UNC5B: variants seen among roughly 807,000 people sequenced by gnomAD.
UNC5B encodes the protein netrin receptor UNC5B.
A neutral mutation model predicts 103.7 loss-of-function variants in UNC5B; 56 were observed. The observed-to-expected ratio is 0.54, with a 90% confidence interval of 0.44 to 0.67. The LOEUF (loss-of-function observed/expected upper bound fraction) is 0.67. UNC5B is among the 30% of genes least tolerant of loss of function. The pLI, the probability that UNC5B is intolerant of heterozygous loss-of-function variation, is 0.00. For synonymous variants in UNC5B, 577 were observed against 542.0 expected (o/e 1.06, Z -0.90); for missense variants, 1,194 against 1,284.5 (o/e 0.93, Z 1.08).
intron 1 of UNC5B, among the ~76,000 whole-genome samples, chr10:71,276,140 A>G (rs909069145): frequency 2.0e-5 from 3 of 151,524 alleles, no homozygotes; most frequent in African/African-American, 7.3e-5. Context: ...ATTACCTAAT[A>G]CATTCCTGTT....
intron 1 of UNC5B, among the ~76,000 whole-genome samples, chr10:71,226,335 A>G (rs1339316844): frequency 6.6e-6 from 1 of 152,218 alleles, no homozygotes; most frequent in African/African-American, 2.4e-5. Context: ...TCGGCCTCCC[A>G]AAGTGCTGGG....
intron 15 of UNC5B, 96 bp from the exon 16 acceptor site, chr10:71,297,813 C>T (rs1845480336): frequency 1.5e-6 from 2 of 1,358,146 alleles, no homozygotes; most frequent in African/African-American, 2.9e-5. Flanking sequence ...GTGGGAGTGA[C>T]TCAAGGCTCA....
At chr10:71,277,182 C>CAG (rs1844792386) in intron 1 of UNC5B, among the ~76,000 whole-genome samples, 1 of 152,262 alleles carries the variant, frequency 6.6e-6, no homozygotes, top group Non-Finnish European at 1.5e-5. Context: ...CTGCAGAGCA[C>CAG]AGAGGCGGCT....
At chr10:71,256,468 G>C (rs1168154767) in intron 1 of UNC5B, among the ~76,000 whole-genome samples, 1 of 152,274 alleles carries the variant, frequency 6.6e-6, no homozygotes, top group Non-Finnish European at 1.5e-5. Flanking sequence ...TCTGCCAGGA[G>C]CTGGCTCCAG....
intron 1 of UNC5B, among the ~76,000 whole-genome samples, chr10:71,237,259 G>A (rs1675375508): frequency 6.6e-6 from 1 of 152,212 alleles, no homozygotes; most frequent in African/African-American, 2.4e-5. Context: ...CAACAGCATG[G>A]GTTCAAATAC....
rs199550912 is a variant in UNC5B, at chr10:71,288,974, C to T, written c.1083C>T (p.Ser361=). 9.9e-5 allele frequency: 160 copies of T among 1,614,144 alleles called. No homozygotes were observed. In the East Asian group the frequency reaches 1.8e-3, roughly 18 times the overall value. Residue 361 remains serine (S), a synonymous_variant, in exon 8 of 17, where the codon AGC becomes AGT. Coordinates refer to ENST00000335350, the MANE Select transcript of UNC5B (RefSeq NM_170744.5). ...CCTTGACAGATAAGAAAACTCTAAG[C>T]GACCCCAACAGCCACCGTAAGTCCC... ...GLCMQNKKTL[S]DPNSHLLEAS...
intron 1 of UNC5B, among the ~76,000 whole-genome samples, chr10:71,226,692 G>C (rs1033685838): frequency 6.6e-6 from 1 of 152,186 alleles, no homozygotes; most frequent in Non-Finnish European, 1.5e-5. Context: ...GACCAGATCT[G>C]ATTTATTGCA....
intron 9 of UNC5B, 65 bp from the exon 10 acceptor site, chr10:71,291,367 G>C: frequency 6.6e-7 from 1 of 1,524,132 alleles, no homozygotes; most frequent in Non-Finnish European, 8.8e-7. Flanking sequence ...GTGGGATTTT[G>C]CAGTGGGAGC....
chr10:71,230,293 C>T (rs1843657452), intron 1 of UNC5B, among the ~76,000 whole-genome samples: 1 of 152,112 alleles, frequency 6.6e-6, no homozygotes, highest in South Asian at 2.1e-4. Flanking sequence ...CAGGAACTTA[C>T]CTCCACTCCA....
At position 71,293,416 on chromosome 10, in the gene UNC5B, A is replaced by G. The variant is rs1462211325; in HGVS notation, c.1784A>G (p.Glu595Gly). The change falls in exon 12 of 17, where the codon GAA becomes GGA. Residue 595 changes from glutamate (E) to glycine (G), a missense_variant. Coordinates refer to ENST00000335350, the MANE Select transcript of UNC5B (RefSeq NM_170744.5). ...GTGTCCTCCTCCAGCCCGCTTTCAG[A>G]AGGGACCCAGACAGTATTGAGCCCC... is the stretch of plus-strand genomic sequence containing the variant. ...NKAESTLPLS[E>G]GTQTVLSPSV... The G allele has an allele frequency of 2.3e-5, 37 of 1,612,710 alleles. No individual in the cohort carries two copies. Among genetic ancestry groups the G allele is most frequent in the Non-Finnish European group, 3.1e-5 (36 of 1,179,322 alleles).
Position 71,212,660 on chromosome 10 carries a change from G to A in UNC5B, c.-326G>A, listed in dbSNP as rs1031516587. On this transcript the variant is annotated 5_prime_UTR_variant, in exon 1 of 17. Coordinates refer to ENST00000335350, the MANE Select transcript of UNC5B (RefSeq NM_170744.5). ...GCGCGCACTGGGGCTGGGACTGCGC[G>A]GCGCCGCCGCTGCGAGCGCCACTGA... 2.3e-5 allele frequency: 5 copies of A among 218,364 alleles called. No homozygotes were observed. Among genetic ancestry groups the A allele is most frequent in the African/African-American group, 1.2e-4 (5 of 43,360 alleles). The allele number at this position is 218,364 out of a possible 1,614,324, so 13.5% of individuals were successfully genotyped here. A position where few individuals can be genotyped will look rare whatever the true frequency, so the allele number is the denominator to read the frequency against.
intron 1 of UNC5B, among the ~76,000 whole-genome samples, chr10:71,231,012 A>G (rs1843670801): frequency 6.6e-6 from 1 of 152,354 alleles, no homozygotes; most frequent in African/African-American, 2.4e-5. Flanking sequence ...TAACCCTGTC[A>G]GAGCAGAGAT....
At chr10:71,278,018 C>T (rs900900957) in intron 1 of UNC5B, among the ~76,000 whole-genome samples, 6 of 152,200 alleles carry the variant, frequency 3.9e-5, no homozygotes, top group Non-Finnish European at 8.8e-5. Flanking sequence ...ACAGCCCAAA[C>T]GCTGAAGTCT....
chr10:71,288,014 G>A (rs1361887847), intron 6 of UNC5B, among the ~76,000 whole-genome samples: 2 of 152,176 alleles, frequency 1.3e-5, no homozygotes, highest in African/African-American at 2.4e-5. Context: ...TCTAGCCTGG[G>A]CTCTTCTGCC....
intron 1 of UNC5B, among the ~76,000 whole-genome samples, chr10:71,256,395 C>G (rs933265928): frequency 6.6e-6 from 1 of 152,240 alleles, no homozygotes; most frequent in East Asian, 1.9e-4. Flanking sequence ...CGCGTCTCCC[C>G]AGTGCCCTGC....
chr10:71,254,118 C>T (rs1844237748), intron 1 of UNC5B, among the ~76,000 whole-genome samples: 1 of 152,226 alleles, frequency 6.6e-6, no homozygotes, highest in African/African-American at 2.4e-5. Flanking sequence ...CGAAGTCTGA[C>T]TCTTGGTTCA....
intron 1 of UNC5B, among the ~76,000 whole-genome samples, chr10:71,270,584 G>C (rs1382792226): frequency 6.6e-6 from 1 of 152,182 alleles, no homozygotes; most frequent in African/African-American, 2.4e-5. Flanking sequence ...GAGAGAGGAA[G>C]GGTCCAGGCG....
rs1457951155 is a variant in UNC5B, at chr10:71,227,705, T to TACAC, written c.79+14642_79+14643insCACA. 2.2e-3 allele frequency among the ~76,000 whole-genome samples: 264 copies of TACAC among 120,672 alleles called. 3 individuals carry two copies. The highest frequency in any genetic ancestry group is 8.1e-3 in the African/African-American group (242 of 29,930). 79.2% of individuals were successfully genotyped at this position (120,672 alleles called of 152,430 possible). A position where few individuals can be genotyped will look rare whatever the true frequency, so the allele number is the denominator to read the frequency against. On this transcript the variant is annotated intron_variant, in intron 1 of 16. Coordinates refer to ENST00000335350, the MANE Select transcript of UNC5B (RefSeq NM_170744.5). ...ATATATACACATATATATACACACA[T>TACAC]ATACACACACACACACACACACACA...
At chr10:71,284,052 T>C (rs1390615598) in intron 2 of UNC5B, among the ~76,000 whole-genome samples, 1 of 152,172 alleles carries the variant, frequency 6.6e-6, no homozygotes, top group Non-Finnish European at 1.5e-5. Context: ...GTCCAGCTAA[T>C]GGTGGGTGCT....
Sources: allele counts gnomAD v4.1 joint callset (sites outside exome capture counted in the v4.1 genomes callset), GRCh38; gene constraint gnomAD v4.1.1; transcripts MANE v1.5; gene names NCBI Gene and HGNC (gene_info 2026-07-23, HGNC 2026-07-21).